EML1: variants seen among roughly 807,000 people sequenced by gnomAD.
EML1 encodes the protein echinoderm microtubule-associated protein-like 1.
Under a neutral mutation model 110.4 loss-of-function variants are expected in EML1, and 27 were observed. The observed-to-expected ratio is 0.24, with a 90% CI of 0.18 to 0.34. The LOEUF (loss-of-function observed/expected upper bound fraction) is 0.34. EML1 is among the 10% of genes least tolerant of loss of function. EML1 has a pLI of 1.00. For synonymous variants in EML1, 344 were observed against 385.8 expected, an observed-to-expected ratio of 0.89 and a Z score of 1.27; for missense variants, 741 against 1,030.9, an observed-to-expected ratio of 0.72 and a Z score of 3.85.
At chr14:99,845,963 T>G (rs2058700458) in intron 1 of EML1, among the ~76,000 whole-genome samples, 1 of 151,248 alleles carries the variant, frequency 6.6e-6, no homozygotes, top group Non-Finnish European at 1.5e-5. Context: ...GGCAGGAGAA[T>G]TGCTTGAACC....
intron 1 of EML1, among the ~76,000 whole-genome samples, chr14:99,799,912 T>G (rs1202548470): frequency 1.3e-5 from 2 of 152,206 alleles, no homozygotes; most frequent in Non-Finnish European, 2.9e-5. Flanking sequence ...ATGAAAGCAT[T>G]GCTCTCTCTA....
chr14:99,869,690 G>A (rs2059161673), intron 3 of EML1, among the ~76,000 whole-genome samples: 1 of 152,182 alleles, frequency 6.6e-6, no homozygotes, highest in Non-Finnish European at 1.5e-5. Context: ...CCCACTGTTG[G>A]AGATGGGCCT....
chr14:99,870,202 CA>C (rs1405215854), intron 3 of EML1, among the ~76,000 whole-genome samples: 1 of 152,202 alleles, frequency 6.6e-6, no homozygotes, highest in Non-Finnish European at 1.5e-5. Flanking sequence ...TGGTCAGAAT[CA>C]AAGATCATAC....
At chr14:99,818,117 G>T (rs1356652541) in intron 1 of EML1, among the ~76,000 whole-genome samples, 1 of 152,074 alleles carries the variant, frequency 6.6e-6, no homozygotes, top group Non-Finnish European at 1.5e-5. Flanking sequence ...AGTTGGGGGT[G>T]GGGGCTCAGG....
intron 1 of EML1, among the ~76,000 whole-genome samples, chr14:99,748,757 C>A (rs1462514363): frequency 2.0e-5 from 3 of 152,218 alleles, no homozygotes; most frequent in Non-Finnish European, 4.4e-5. Context: ...TCACCACAAT[C>A]AAATTTAGAA....
chr14:99,775,100 G>A (rs1015671192), intron 1 of EML1, among the ~76,000 whole-genome samples: 10 of 152,206 alleles, frequency 6.6e-5, no homozygotes, highest in East Asian at 1.9e-4. Context: ...GTTTGCTGGC[G>A]CACTGCCCAG....
upstream of EML1, among the ~76,000 whole-genome samples, chr14:99,788,830 C>A (rs2057628553): frequency 6.6e-6 from 1 of 152,172 alleles, no homozygotes; most frequent in African/African-American, 2.4e-5. Flanking sequence ...CCTTCCTCTC[C>A]CCAGCCCTTG....
In EML1 at chr14:99,938,061, C is replaced by G. The variant is rs1043050593; in HGVS notation, c.2191+149C>G. On this transcript the variant is annotated intron_variant, in intron 20 of 21. Coordinates refer to ENST00000262233, the MANE Select transcript of EML1 (RefSeq NM_004434.3). ...CCATGAGACACACCTCCTGCCGCAC[C>G]CTGGGGTAGGGCCTGGGCTTGCCTG... is the stretch of plus-strand genomic sequence containing the variant. The G allele has an allele frequency of 6.7e-6, 5 of 744,618 alleles. No individual in the cohort carries two copies. The South Asian group carries it at 8.4e-5, about 13-fold the overall frequency. The allele number at this position is 744,618 out of a possible 1,614,324, so 46.1% of individuals were successfully genotyped here. A position where few individuals can be genotyped will look rare whatever the true frequency, so the allele number is the denominator to read the frequency against.
chr14:99,812,025 TC>T (rs1274615890), intron 1 of EML1, among the ~76,000 whole-genome samples: 2 of 151,738 alleles, frequency 1.3e-5, no homozygotes, highest in Non-Finnish European at 2.9e-5. Flanking sequence ...TGTAAGTGGA[TC>T]TGCGCAGTTG....
chr14:99,754,915 G>T (rs535628511), intron 1 of EML1, among the ~76,000 whole-genome samples: 2 of 152,190 alleles, frequency 1.3e-5, no homozygotes, highest in Non-Finnish European at 2.9e-5. Flanking sequence ...CCTGCCTCTC[G>T]TGTCCATGCA....
intron 17 of EML1, among the ~76,000 whole-genome samples, chr14:99,922,502 A>C (rs181915189): frequency 6.6e-6 from 1 of 151,900 alleles, no homozygotes; most frequent in Non-Finnish European, 1.5e-5. Flanking sequence ...GTTTGTTTTC[A>C]TTTCTCGGGT....
chr14:99,864,159 G>T (rs1288234081), intron 2 of EML1, among the ~76,000 whole-genome samples: 2 of 152,160 alleles, frequency 1.3e-5, no homozygotes, highest in Non-Finnish European at 2.9e-5. Flanking sequence ...TGTCTTTTCA[G>T]ATCTTTTGCC....
chr14:99,793,509 G>A lies in EML1; in HGVS notation c.33G>A (p.Leu11=). 9.5e-7 allele frequency: 1 copy of A among 1,049,212 alleles called. No individual in the cohort carries two copies. The highest frequency in any genetic ancestry group is 1.2e-6 in the Non-Finnish European group (1 of 866,346). 65.0% of individuals were successfully genotyped at this position (1,049,212 alleles called of 1,614,324 possible). Residue 11 remains leucine, a synonymous_variant, in exon 1 of 22, where the codon CTG becomes CTA. Transcript: ENST00000262233. ...ACGGCTTCTCCAGCTACAGCAGCCT[G>A]TACGACACGTCCTCGCTGCTCCAGT... MEDGFSSYSS[L]YDTSSLLQFC... is the part of the protein sequence containing the mutation.
chr14:99,903,157 A>G (rs748822902), intron 9 of EML1, among the ~76,000 whole-genome samples: 11 of 152,228 alleles, frequency 7.2e-5, no homozygotes, highest in Non-Finnish European at 1.2e-4. Context: ...AAAGCTCTAA[A>G]TAGCTCAAAA....
At chr14:99,875,159 G>A (rs995015540) in intron 3 of EML1, among the ~76,000 whole-genome samples, 14 of 151,982 alleles carry the variant, frequency 9.2e-5, no homozygotes, top group African/African-American at 3.4e-4. Flanking sequence ...TGCTCAACTG[G>A]TCCTCCAAAA....
chr14:99,884,346 T>C (rs2059438591), intron 4 of EML1, among the ~76,000 whole-genome samples: 1 of 152,228 alleles, frequency 6.6e-6, no homozygotes, highest in Non-Finnish European at 1.5e-5. Flanking sequence ...AAAATTGTTC[T>C]CACCTTGCTC....
chr14:99,746,642 G>T (rs1192806400), intron 1 of EML1, among the ~76,000 whole-genome samples: 2 of 152,094 alleles, frequency 1.3e-5, no homozygotes, highest in Admixed American at 1.3e-4. Context: ...GCCAAAGCCT[G>T]GTGCCCCGGC....
At chr14:99,814,872 A>G (rs2058141012) in intron 1 of EML1, among the ~76,000 whole-genome samples, 1 of 152,166 alleles carries the variant, frequency 6.6e-6, no homozygotes, top group Admixed American at 6.5e-5. Flanking sequence ...ATGCTAGCAT[A>G]TATGCTCTTC....
chr14:99,831,489 A>G (rs1329783573), intron 1 of EML1, among the ~76,000 whole-genome samples: 1 of 152,192 alleles, frequency 6.6e-6, no homozygotes, highest in East Asian at 1.9e-4. Flanking sequence ...CCTGTGTGGA[A>G]TCTGGCATCA....
Sources: gnomAD v4.1 joint callset for allele counts (sites outside exome capture counted in the v4.1 genomes callset) on GRCh38, gnomAD v4.1.1 for gene constraint, MANE v1.5 for transcripts, NCBI Gene and HGNC (gene_info 2026-07-23, HGNC 2026-07-21) for gene names.